The following EPB41 variants were observed in gnomAD, a reference collection of about 807,000 sequenced individuals.
EPB41 encodes the protein protein 4.1.
EPB41 carries 65 observed loss-of-function variants against 108.0 expected under a neutral mutation model. The ratio of observed to expected loss-of-function variants is 0.60; its 90% CI spans 0.49 to 0.74. EPB41 has a LOEUF of 0.74. Among genes scored for constraint, EPB41 ranks in the 30% least tolerant of loss-of-function variants. The pLI is 0.00. For synonymous variants in EPB41, 336 were observed against 358.9 expected, an observed-to-expected ratio of 0.94 and a Z score of 0.72; for missense variants, 875 against 1,037.0, an observed-to-expected ratio of 0.84 and a Z score of 2.15.
intron 5 of EPB41, 84 bp from the exon 6 acceptor site, chr1:29,015,608 A>G: frequency 1.2e-6 from 1 of 864,506 alleles, no homozygotes; most frequent in Non-Finnish European, 1.9e-6. Flanking sequence ...AAAGAAAAAG[A>G]GAAATGTTTG....
intron 9 of EPB41, among the ~76,000 whole-genome samples, chr1:29,034,946 C>T (rs543376031): frequency 1.4e-4 from 20 of 146,588 alleles, no homozygotes; most frequent in Admixed American, 6.8e-4. Flanking sequence ...ACAATGTATA[C>T]GTGTTTCTTG....
chr1:29,003,074 C>T (rs1218352885), intron 4 of EPB41, among the ~76,000 whole-genome samples: 1 of 152,150 alleles, frequency 6.6e-6, no homozygotes. Flanking sequence ...GAAGCTTAGA[C>T]CAAAACAATG....
At chr1:29,102,932 C>A (rs902104317) in intron 17 of EPB41, among the ~76,000 whole-genome samples, 2 of 152,124 alleles carry the variant, frequency 1.3e-5, no homozygotes, top group Non-Finnish European at 2.9e-5. Flanking sequence ...ACCACCACAC[C>A]CAGCTAATTT....
chr1:28,907,579 C>A (rs905275016), intron 1 of EPB41, among the ~76,000 whole-genome samples: 4 of 152,000 alleles, frequency 2.6e-5, no homozygotes, highest in Non-Finnish European at 2.9e-5. Context: ...GTTGTTAAGG[C>A]ATTCCTTGAC....
At chr1:28,889,735 G>T in intron 1 of EPB41, 1 of 861,610 alleles carries the variant, frequency 1.2e-6, no homozygotes, top group Non-Finnish European at 1.4e-6. Flanking sequence ...GAGGGGAGGT[G>T]CAAGGAGGGA....
chr1:28,963,797 C>T (rs1415142520), intron 1 of EPB41, among the ~76,000 whole-genome samples: 1 of 152,206 alleles, frequency 6.6e-6, no homozygotes, highest in Non-Finnish European at 1.5e-5. Flanking sequence ...TGAGTTTACA[C>T]TCAACATTGT....
chr1:28,985,108 C>T (rs1399886671), intron 1 of EPB41, among the ~76,000 whole-genome samples: 2 of 152,018 alleles, frequency 1.3e-5, no homozygotes, highest in Admixed American at 6.6e-5. Flanking sequence ...GGATTACAAG[C>T]GCCTGCCACC....
At chr1:29,065,476 A>C in intron 16 of EPB41, 1 of 209,764 alleles carries the variant, frequency 4.8e-6, no homozygotes, top group Non-Finnish European at 9.4e-6. Flanking sequence ...ATTTGTATTC[A>C]AACTGTGCCT....
chr1:28,890,212 A>G (rs2089973653), intron 1 of EPB41, among the ~76,000 whole-genome samples: 1 of 151,530 alleles, frequency 6.6e-6, no homozygotes. Context: ...TAATTTTTTT[A>G]TTTTTAGTAG....
At chr1:28,965,004 G>T (rs770432670) in intron 1 of EPB41, among the ~76,000 whole-genome samples, 2 of 152,052 alleles carry the variant, frequency 1.3e-5, no homozygotes, top group Non-Finnish European at 2.9e-5. Context: ...GCTTTTGCCT[G>T]ATTTTTAAAA....
chr1:28,911,949 G>A (rs1314909037), upstream of EPB41, among the ~76,000 whole-genome samples: 1 of 152,202 alleles, frequency 6.6e-6, no homozygotes, highest in Non-Finnish European at 1.5e-5. Flanking sequence ...GCTGAGGCAG[G>A]AGAATCGCTT....
At chr1:28,937,384 A>C (rs910895986) in intron 1 of EPB41, among the ~76,000 whole-genome samples, 3 of 152,172 alleles carry the variant, frequency 2.0e-5, no homozygotes, top group Non-Finnish European at 2.9e-5. Context: ...TTTAAAGCAC[A>C]AAAGTTTTTA....
chr1:28,904,140 C>T (rs1429228487), intron 1 of EPB41, among the ~76,000 whole-genome samples: 1 of 151,164 alleles, frequency 6.6e-6, no homozygotes, highest in Non-Finnish European at 1.5e-5. Context: ...GTTGAGATTA[C>T]AGGCATGAGT....
intron 2 of EPB41, among the ~76,000 whole-genome samples, chr1:28,991,702 CAA>C (rs59227691): frequency 4.2e-4 from 41 of 98,480 alleles, no homozygotes; most frequent in Non-Finnish European, 4.8e-4. Flanking sequence ...ACTCTTGTCT[CAA>C]AAAAAAAAAA....
At chr1:28,928,114 G>C (rs143219987) in intron 1 of EPB41, among the ~76,000 whole-genome samples, 293 of 152,064 alleles carry the variant, frequency 1.9e-3, no homozygotes, top group Middle Eastern at 0.017. Context: ...AATAAGTACA[G>C]AGTTACTATT....
At position 28,978,442 on chromosome 1, in the gene EPB41, G is replaced by T. The variant is rs986478444; in HGVS notation, c.-7-8989G>T. Reference sequence around the variant, plus strand: ...TCACAGGGTAGTTGCTTCATGTTAGGCAGAACTATTACTTTGTTGTGTTTA... The same window carrying T: ...TCACAGGGTAGTTGCTTCATGTTAGTCAGAACTATTACTTTGTTGTGTTTA... On this transcript the variant is annotated intron_variant, in intron 1 of 20. Coordinates refer to ENST00000343067, the MANE Select transcript of EPB41 (RefSeq NM_001376013.1). 2.6e-5 allele frequency among the ~76,000 whole-genome samples: 4 copies of T among 151,466 alleles called. 1 individual carries two copies. Among genetic ancestry groups the T allele is most frequent in the Non-Finnish European group, 5.9e-5 (4 of 67,992 alleles).
intron 1 of EPB41, 108 bp from the exon 2 acceptor site, chr1:28,987,323 G>A: frequency 1.1e-6 from 1 of 900,164 alleles, no homozygotes; most frequent in Non-Finnish European, 1.8e-6. Flanking sequence ...AATTCTGTTT[G>A]TTGGCAATTA....
At chr1:28,979,211 A>C (rs948222689) in intron 1 of EPB41, among the ~76,000 whole-genome samples, 1 of 151,566 alleles carries the variant, frequency 6.6e-6, no homozygotes, top group African/African-American at 2.4e-5. Flanking sequence ...TTTAAAAGCT[A>C]ATTATTATTG....
intron 19 of EPB41, among the ~76,000 whole-genome samples, chr1:29,113,645 T>C (rs1669947593): frequency 6.6e-6 from 1 of 152,258 alleles, no homozygotes; most frequent in Non-Finnish European, 1.5e-5. Flanking sequence ...ATCCTGACTC[T>C]GCGACCTAAT....
Sources: gnomAD v4.1 joint callset for allele counts (sites outside exome capture counted in the v4.1 genomes callset) on GRCh38, gnomAD v4.1.1 for gene constraint, MANE v1.5 for transcripts, NCBI Gene and HGNC (gene_info 2026-07-23, HGNC 2026-07-21) for gene names.